MMP28: variants seen among roughly 807,000 people sequenced by gnomAD.
MMP28 encodes the protein matrix metallopeptidase 28.
In MMP28, 55 loss-of-function variants were observed where a neutral mutation model predicts 60.5. The observed-to-expected ratio is 0.91, with a 90% confidence interval of 0.73 to 1.14. The LOEUF (loss-of-function observed/expected upper bound fraction) is 1.14. MMP28 is among the 50% of genes most tolerant of loss of function. MMP28 has a pLI of 0.00. For missense variants in MMP28, 686 were observed against 738.3 expected, an observed-to-expected ratio of 0.93 and a Z score of 0.82; for synonymous variants, 318 against 312.5, an observed-to-expected ratio of 1.02 and a Z score of -0.18.
At chr17:35,764,529 A>G (rs1192703901), downstream of MMP28, 3 of 1,600,046 alleles carry the variant, frequency 1.9e-6, no homozygotes, top group Non-Finnish European at 2.6e-6. Context: ...CAAGAAATGC[A>G]GGAGTCTGCA....
chr17:35,756,367 CGTT>C lies in MMP28; in HGVS notation c.*45_*47del, dbSNP rs138504075. 9,815 of 984,792 alleles carry C rather than the reference CGTT, an allele frequency of 1.0e-2. 655 individuals are homozygous for C. In the African/African-American group the frequency reaches 0.15, roughly 15 times the overall value. The allele number at this position is 984,792 out of a possible 1,614,324, so 61.0% of individuals were successfully genotyped here. A position where few individuals can be genotyped will look rare whatever the true frequency, so the allele number is the denominator to read the frequency against. On this transcript the variant is annotated 3_prime_UTR_variant, in exon 3 of 3. Transcript: ENST00000615317. ...TTCCTTTCTTGTTGCTTCTTTAGGC[CGTT>C]GTTGTTACTTACATAGTCAATGCCG...
At chr17:35,768,524 T>G in intron 5 of MMP28, 145 bp from the exon 6 acceptor site, 1 of 640,584 alleles carries the variant, frequency 1.6e-6, no homozygotes. Flanking sequence ...TTAAGAGTTG[T>G]TCCTGGGCCA....
At chr17:35,789,257 T>C (rs939640339) in intron 1 of MMP28, among the ~76,000 whole-genome samples, 10 of 151,944 alleles carry the variant, frequency 6.6e-5, no homozygotes, top group Non-Finnish European at 1.0e-4. Flanking sequence ...GGCACACACA[T>C]ATATAGAGGC....
chr17:35,782,592 A>G (rs2086538150), intron 1 of MMP28, among the ~76,000 whole-genome samples: 1 of 152,026 alleles, frequency 6.6e-6, no homozygotes, highest in Non-Finnish European at 1.5e-5. Context: ...AGTCCATTTC[A>G]TTGTTTTTCT....
chr17:35,771,219 T>C (rs900734013), intron 4 of MMP28, among the ~76,000 whole-genome samples: 2 of 151,708 alleles, frequency 1.3e-5, no homozygotes, highest in African/African-American at 4.8e-5. Flanking sequence ...GATCACGAGG[T>C]CAAGAGATTG....
downstream of MMP28, chr17:35,760,977 T>A: frequency 6.2e-7 from 1 of 1,609,830 alleles, no homozygotes; most frequent in South Asian, 1.1e-5. Flanking sequence ...GGAGGCAGGG[T>A]GGGGCTGGAG....
chr17:35,778,597 C>T (rs561822517), intron 3 of MMP28: 17 of 518,088 alleles, frequency 3.3e-5, no homozygotes, highest in Non-Finnish European at 5.2e-5. Flanking sequence ...ATGTTAGCAA[C>T]AGTTTATCTG....
chr17:35,779,375 T>C, intron 1 of MMP28, 52 bp from the exon 2 acceptor site: 2 of 1,507,830 alleles, frequency 1.3e-6, no homozygotes, highest in Non-Finnish European at 1.8e-6. Flanking sequence ...TCCCCTCCCT[T>C]GGTCCCCAAG....
chr17:35,794,046 C>T (rs553715356), intron 1 of MMP28, among the ~76,000 whole-genome samples: 2 of 151,678 alleles, frequency 1.3e-5, no homozygotes, highest in East Asian at 2.0e-4. Context: ...TGCAGTGAGC[C>T]GAGATCTAGC....
In MMP28 at chr17:35,765,987, T is replaced by C; in HGVS notation, c.*513A>G. 2.0e-6 allele frequency: 2 copies of C among 985,410 alleles called. No individual in the cohort carries two copies. The highest frequency in any genetic ancestry group is 1.2e-6 in the Non-Finnish European group (1 of 829,930). 61.0% of individuals were successfully genotyped at this position (985,410 alleles called of 1,614,324 possible). A position where few individuals can be genotyped will look rare whatever the true frequency, so the allele number is the denominator to read the frequency against. On this transcript the variant is annotated 3_prime_UTR_variant, in exon 8 of 8. Coordinates refer to ENST00000605424, the MANE Select transcript of MMP28 (RefSeq NM_024302.5). ...CTGTGTCCTGACCCCACAAAGGGCC[T>C]CTGAGGTTGGAGACGCCTGTGCCTT...
intron 1 of MMP28, among the ~76,000 whole-genome samples, chr17:35,785,029 C>A (rs2086608785): frequency 6.6e-6 from 1 of 152,196 alleles, no homozygotes; most frequent in African/African-American, 2.4e-5. Context: ...TTGGTTAGGG[C>A]TGGGACCACT....
chr17:35,764,107 C>T, downstream of MMP28: 1 of 1,550,180 alleles, frequency 6.5e-7, no homozygotes, highest in South Asian at 1.2e-5. Flanking sequence ...AGGACGAGGA[C>T]AACCAGAGGC....
At chr17:35,764,141 G>A (rs587715530), downstream of MMP28, 1 of 1,549,474 alleles carries the variant, frequency 6.5e-7, no homozygotes, top group African/African-American at 1.4e-5. Context: ...CGCGACGGAG[G>A]GCGAGGAGCC....
At chr17:35,789,488 T>C (rs1051120656) in intron 1 of MMP28, among the ~76,000 whole-genome samples, 3 of 152,222 alleles carry the variant, frequency 2.0e-5, no homozygotes, top group South Asian at 2.1e-4. Flanking sequence ...GCTTAAATCA[T>C]TGACCTAAAA....
chr17:35,760,788 T>A (rs1312659272), intron 2 of MMP28: 3 of 847,166 alleles, frequency 3.5e-6, no homozygotes, highest in Admixed American at 2.2e-5. Flanking sequence ...AAGGAAATTA[T>A]TCCTGGGCAG....
intron 1 of MMP28, among the ~76,000 whole-genome samples, chr17:35,781,716 T>C (rs1478098241): frequency 1.3e-5 from 2 of 152,206 alleles, no homozygotes; most frequent in Non-Finnish European, 2.9e-5. Flanking sequence ...AGCTGCATAA[T>C]TCTTCTACAA....
At chr17:35,770,357 C>T (rs1406095793) in intron 4 of MMP28, 45 bp from the exon 5 acceptor site, 19 of 1,452,286 alleles carry the variant, frequency 1.3e-5, no homozygotes, top group Non-Finnish European at 1.7e-5. Context: ...GCCCACGACG[C>T]CCCCAGGTAC....
intron 3 of MMP28, among the ~76,000 whole-genome samples, chr17:35,777,625 A>G (rs1555607935): frequency 6.6e-6 from 1 of 152,386 alleles, no homozygotes; most frequent in South Asian, 2.1e-4. Context: ...GCAATGGCCC[A>G]AAGTGTTCAC....
chr17:35,794,902 G>T (rs924991737), intron 1 of MMP28, among the ~76,000 whole-genome samples: 5 of 152,208 alleles, frequency 3.3e-5, no homozygotes, highest in African/African-American at 1.2e-4. Context: ...GCACCAAACT[G>T]AGGCTTCCAC....
Sources: gnomAD v4.1 joint callset for allele counts (sites outside exome capture counted in the v4.1 genomes callset) on GRCh38, gnomAD v4.1.1 for gene constraint, MANE v1.5 for transcripts, NCBI Gene and HGNC (gene_info 2026-07-23, HGNC 2026-07-21) for gene names.